Variants in ZDHHC20 observed in about 807,000 individuals in gnomAD.
ZDHHC20 encodes the protein zDHHC palmitoyltransferase 20.
In ZDHHC20, 43 loss-of-function variants were observed where a neutral mutation model predicts 57.8. The observed-to-expected ratio is 0.74, with a 90% CI of 0.58 to 0.96. The LOEUF (loss-of-function observed/expected upper bound fraction) is 0.96, where lower values mean the gene tolerates loss of function less well. ZDHHC20 is among the 40% of genes least tolerant of loss of function. ZDHHC20 has a pLI of 0.00. For synonymous variants in ZDHHC20, 157 were observed against 153.0 expected, an observed-to-expected ratio of 1.03 and a Z score of -0.19; for missense variants, 391 against 441.1, an observed-to-expected ratio of 0.89 and a Z score of 1.02.
chr13:21,394,564 TTGAA>T (rs1481277435), intron 7 of ZDHHC20, among the ~76,000 whole-genome samples: 1 of 152,240 alleles, frequency 6.6e-6, no homozygotes, highest in East Asian at 1.9e-4. Flanking sequence ...TACATATTTA[TTGAA>T]TGAAGAAAAA....
intron 1 of ZDHHC20, among the ~76,000 whole-genome samples, chr13:21,444,327 G>A (rs1016037868): frequency 1.3e-4 from 20 of 152,082 alleles, no homozygotes; most frequent in African/African-American, 3.9e-4. Flanking sequence ...ATAAATTGGC[G>A]TGCTAAAGAA....
At chr13:21,446,005 T>G (rs1401115077) in intron 1 of ZDHHC20, among the ~76,000 whole-genome samples, 11 of 152,164 alleles carry the variant, frequency 7.2e-5, no homozygotes. Context: ...GGTCCTCAGG[T>G]GGCCTGACAG....
chr13:21,431,056 C>A (rs545456196), intron 1 of ZDHHC20, among the ~76,000 whole-genome samples: 2 of 152,242 alleles, frequency 1.3e-5, no homozygotes, highest in African/African-American at 4.8e-5. Context: ...AGTGATTTCA[C>A]CTTTTTGTCT....
In ZDHHC20 at chr13:21,378,739, C is replaced by T. The variant is rs1342389974; in HGVS notation, c.1061-1G>A. 10 of 1,418,282 alleles carry T rather than the reference C, an allele frequency of 7.1e-6. No individual in the cohort carries two copies. Among genetic ancestry groups the T allele is most frequent in the African/African-American group, 1.5e-5 (1 of 68,322 alleles). The allele number at this position is 1,418,282 out of a possible 1,614,324, so 87.9% of individuals were successfully genotyped here. A position where few individuals can be genotyped will look rare whatever the true frequency, so the allele number is the denominator to read the frequency against. On this transcript the variant is annotated splice_acceptor_variant, in intron 11 of 12. Transcript: ENST00000400590. LOFTEE classifies it high-confidence loss of function. The stretch of plus-strand genomic sequence containing the variant: ...GCCACTGTTACATGGTTATTTGTCC[C>T]TGTAAGCATATAATTATATATGACA...
chr13:21,397,519 G>A (rs946128721), intron 7 of ZDHHC20, among the ~76,000 whole-genome samples: 1 of 151,848 alleles, frequency 6.6e-6, no homozygotes, highest in African/African-American at 2.4e-5. Flanking sequence ...AAAATTAGCC[G>A]GGCATGGTGG....
At chr13:21,392,510 CT>C (rs1297184648) in intron 7 of ZDHHC20, among the ~76,000 whole-genome samples, 8 of 152,268 alleles carry the variant, frequency 5.3e-5, no homozygotes, top group Admixed American at 4.6e-4. Context: ...TCTACAGAGC[CT>C]TTGTGCATAG....
Position 21,375,393 on chromosome 13 carries a change from G to T in ZDHHC20, c.*1303C>A. 1 of 315,864 alleles carries T rather than the reference G, an allele frequency of 3.2e-6. No individual in the cohort carries two copies. Among genetic ancestry groups the T allele is most frequent in the Non-Finnish European group, 6.2e-6 (1 of 161,666 alleles). The allele number at this position is 315,864 out of a possible 1,614,324, so 19.6% of individuals were successfully genotyped here. ...TGTCTGTCTAAAAGGTGTAAATGAG[G>T]AGTGACATTTCTACATTGTTTATTC... On this transcript the variant is annotated 3_prime_UTR_variant, in exon 13 of 13. Transcript: ENST00000400590.
At chr13:21,435,874 T>C (rs945494312) in intron 1 of ZDHHC20, among the ~76,000 whole-genome samples, 1 of 152,214 alleles carries the variant, frequency 6.6e-6, no homozygotes, top group African/African-American at 2.4e-5. Flanking sequence ...GCAATGTATT[T>C]ACTAGGGACC....
intron 1 of ZDHHC20, among the ~76,000 whole-genome samples, chr13:21,441,274 T>A (rs537612928): frequency 1.3e-5 from 2 of 152,260 alleles, no homozygotes; most frequent in East Asian, 3.9e-4. Flanking sequence ...TTGGGTCTTT[T>A]AAGAATGTTT....
intron 8 of ZDHHC20, chr13:21,390,368 G>A (rs1875456624): frequency 6.6e-6 from 1 of 152,132 alleles, no homozygotes; most frequent in African/African-American, 2.4e-5. Context: ...CACCATTGCT[G>A]TTTAGGGAAT....
intron 1 of ZDHHC20, among the ~76,000 whole-genome samples, chr13:21,436,261 TATA>T (rs1421124542): frequency 1.3e-5 from 2 of 152,238 alleles, no homozygotes; most frequent in East Asian, 1.9e-4. Flanking sequence ...CCCAAAATGT[TATA>T]ATGACACAGC....
chr13:21,390,046 G>A (rs890767973), intron 8 of ZDHHC20: 35 of 152,118 alleles, frequency 2.3e-4, no homozygotes, highest in African/African-American at 7.2e-4. Context: ...GGAAGAGAAG[G>A]AACAAATCCT....
At chr13:21,413,404 GA>G (rs1879499272) in intron 4 of ZDHHC20, among the ~76,000 whole-genome samples, 1 of 151,740 alleles carries the variant, frequency 6.6e-6, no homozygotes, top group Non-Finnish European at 1.5e-5. Flanking sequence ...TGAGTTGGGG[GA>G]AAAAAACAAG....
intron 1 of ZDHHC20, among the ~76,000 whole-genome samples, chr13:21,439,981 T>C (rs951311959): frequency 6.9e-6 from 1 of 145,292 alleles, no homozygotes; most frequent in Non-Finnish European, 1.5e-5. Flanking sequence ...GCACAAGAAT[T>C]GCTCAAACCC....
Position 21,397,160 on chromosome 13 carries a change from C to T in ZDHHC20, c.594+3213G>A, listed in dbSNP as rs111564778. Among the ~76,000 whole-genome samples, 1,212 of 152,034 alleles carry T rather than the reference C, an allele frequency of 8.0e-3. 19 individuals are homozygous for T. The highest frequency in any genetic ancestry group is 0.028 in the African/African-American group (1,157 of 41,486). On this transcript the variant is annotated intron_variant, in intron 7 of 12. Transcript: ENST00000400590. The stretch of plus-strand genomic sequence containing the variant: ...CTGTAATGCCAGCATTTTGGGAGAC[C>T]GAGGCGGGCGGATCACCTGAGGTCA...
At chr13:21,381,391 C>T in intron 11 of ZDHHC20, 43 bp downstream of exon 11, 1 of 1,431,726 alleles carries the variant, frequency 7.0e-7, no homozygotes, top group Non-Finnish European at 9.8e-7. Flanking sequence ...TGGTGCTTTT[C>T]ATTTGAACCA....
chr13:21,449,851 C>T (rs957144685), intron 1 of ZDHHC20, among the ~76,000 whole-genome samples: 13 of 152,064 alleles, frequency 8.5e-5, no homozygotes, highest in Admixed American at 1.3e-4. Context: ...AAGCTGGTCT[C>T]GAACTCCTGA....
At chr13:21,387,418 T>C in intron 9 of ZDHHC20, 90 bp downstream of exon 9, 1 of 954,172 alleles carries the variant, frequency 1.0e-6, no homozygotes, top group Non-Finnish European at 1.4e-6. Flanking sequence ...TATCATTATA[T>C]ATTATATTCT....
chr13:21,414,228 CTTTT>C (rs34795716), intron 3 of ZDHHC20, among the ~76,000 whole-genome samples: 36 of 140,756 alleles, frequency 2.6e-4, no homozygotes, highest in Non-Finnish European at 4.0e-4. Flanking sequence ...GCCAAGGAGT[CTTTT>C]TTTTTTTTTT....
Sources: gnomAD v4.1 joint callset for allele counts (sites outside exome capture counted in the v4.1 genomes callset) on GRCh38, gnomAD v4.1.1 for gene constraint, MANE v1.5 for transcripts, NCBI Gene and HGNC (gene_info 2026-07-23, HGNC 2026-07-21) for gene names.